The following DGKH variants were observed in gnomAD, a reference collection of about 807,000 sequenced individuals.
DGKH encodes DAG kinase eta.
Under a neutral mutation model 159.3 loss-of-function variants are expected in DGKH, and 90 were observed. The ratio of observed to expected loss-of-function variants is 0.57; its 90% CI spans 0.48 to 0.67. DGKH has a LOEUF of 0.67. Ranked by LOEUF, DGKH falls within the 30% of genes least tolerant of loss-of-function variation. The pLI, the probability that DGKH is intolerant of heterozygous loss-of-function variation, is 0.00. For missense variants in DGKH, 1,181 were observed against 1,506.1 expected, an observed-to-expected ratio of 0.78 and a Z score of 3.57; for synonymous variants, 536 against 553.8, an observed-to-expected ratio of 0.97 and a Z score of 0.45.
At chr13:42,078,398 C>T (rs1026383930) in intron 1 of DGKH, among the ~76,000 whole-genome samples, 2 of 152,136 alleles carry the variant, frequency 1.3e-5, no homozygotes, top group Non-Finnish European at 2.9e-5. Context: ...GACTAGATGC[C>T]GGAATATGGA....
chr13:42,061,305 A>G (rs1316242180), intron 1 of DGKH, among the ~76,000 whole-genome samples: 1 of 152,184 alleles, frequency 6.6e-6, no homozygotes, highest in African/African-American at 2.4e-5. Context: ...AGAAGGGAAG[A>G]TGGAACTGCC....
intron 11 of DGKH, among the ~76,000 whole-genome samples, chr13:42,173,096 C>T (rs1956506018): frequency 6.6e-6 from 1 of 151,898 alleles, no homozygotes; most frequent in Non-Finnish European, 1.5e-5. Flanking sequence ...CTCAGCAATC[C>T]AAGTAGCTGG....
In DGKH at chr13:42,199,897, G is replaced by C. The variant is rs1272939715; in HGVS notation, c.2481G>C (p.Arg827Ser). Residue 827 changes from arginine (R) to serine (S), a missense_variant, in exon 20 of 30, where the codon AGG becomes AGC. Around this residue, in one of 5 missense-constraint regions of DGKH, gnomAD observed 335 missense variants for 495.2 expected, o/e 0.68. Transcript: ENST00000337343. ...GATCGTACAAGAATTTAGAACAAAGGGTTCAACTTGAGGTAAGTTCATCTT... is the reference window on the plus strand; with the variant it reads ...GATCGTACAAGAATTTAGAACAAAGCGTTCAACTTGAGGTAAGTTCATCTT... ...LQRSYKNLEQ[R>S]VQLECDGQYI... 1.2e-6 allele frequency: 2 copies of C among 1,609,518 alleles called. No individual in the cohort carries two copies. The highest frequency in any genetic ancestry group is 1.7e-6 in the Non-Finnish European group (2 of 1,178,314).
chr13:42,137,995 T>G, intron 3 of DGKH: 1 of 706,244 alleles, frequency 1.4e-6, no homozygotes, highest in Non-Finnish European at 1.7e-6. Context: ...CTTTCTAACT[T>G]GAGTCATCTG....
At chr13:42,054,415 T>C (rs1023840596) in intron 1 of DGKH, among the ~76,000 whole-genome samples, 2 of 152,232 alleles carry the variant, frequency 1.3e-5, no homozygotes, top group Admixed American at 6.5e-5. Context: ...TAGGAACTTT[T>C]ACATTTTGAT....
chr13:42,247,718 G>A (rs915561963), downstream of DGKH, among the ~76,000 whole-genome samples: 6 of 152,192 alleles, frequency 3.9e-5, no homozygotes, highest in South Asian at 8.3e-4. Context: ...CAGTGATACT[G>A]ATGATCCTGA....
At chr13:42,169,370 CATT>C (rs1276673354) in intron 11 of DGKH, among the ~76,000 whole-genome samples, 1 of 152,152 alleles carries the variant, frequency 6.6e-6, no homozygotes, top group African/African-American at 2.4e-5. Context: ...AAGGGACTAT[CATT>C]GTGTTTATGC....
chr13:42,199,265 A>AT (rs1434696039), intron 18 of DGKH, among the ~76,000 whole-genome samples: 1 of 152,232 alleles, frequency 6.6e-6, no homozygotes, highest in East Asian at 1.9e-4. Flanking sequence ...AATCACCTGC[A>AT]TTTTTTCTGT....
rs1245809005 is a variant in DGKH at position 42,238,132 on chromosome 13, T to G, written c.*8944T>G. ...ACACAATATTATCAGTTGTTAGTAC[T>G]TGGTAACGTTTCTTTTACTAAAGGA... On this transcript the variant is annotated 3_prime_UTR_variant, in exon 30 of 30. Transcript: ENST00000337343. The G allele has an allele frequency of 6.6e-6, 1 of 152,230 alleles. No individual in the cohort carries two copies. The allele number at this position is 152,230 out of a possible 1,614,324, so 9.4% of individuals were successfully genotyped here.
At chr13:42,144,815 A>G (rs908352468) in intron 3 of DGKH, among the ~76,000 whole-genome samples, 12 of 152,214 alleles carry the variant, frequency 7.9e-5, no homozygotes, top group Admixed American at 7.2e-4. Flanking sequence ...GTTATACCTC[A>G]CAGATTTTGG....
chr13:42,189,004 G>A (rs2122247), intron 14 of DGKH, 32 bp from the exon 15 acceptor site: 197,973 of 1,590,104 alleles, frequency 0.12, 15,697 homozygotes, highest in East Asian at 0.41. Flanking sequence ...TTCTTTTTGA[G>A]TATTTTTCTC....
intron 3 of DGKH, among the ~76,000 whole-genome samples, chr13:42,132,671 G>A (rs1467543780): frequency 6.6e-6 from 1 of 152,172 alleles, no homozygotes; most frequent in African/African-American, 2.4e-5. Flanking sequence ...AGAGGCTGAA[G>A]CAGGAGGATT....
chr13:42,103,384 G>T (rs1202430541), intron 1 of DGKH, among the ~76,000 whole-genome samples: 1 of 152,094 alleles, frequency 6.6e-6, no homozygotes, highest in Non-Finnish European at 1.5e-5. Flanking sequence ...TACATTATAT[G>T]AGGACTCTTG....
intron 29 of DGKH, among the ~76,000 whole-genome samples, chr13:42,222,044 T>A (rs1957987579): frequency 6.6e-6 from 1 of 152,202 alleles, no homozygotes; most frequent in South Asian, 2.1e-4. Context: ...AGAGCCTATT[T>A]GTGAATTGAC....
intron 16 of DGKH, among the ~76,000 whole-genome samples, chr13:42,194,034 A>G (rs1333441055): frequency 6.6e-6 from 1 of 152,214 alleles, no homozygotes; most frequent in African/African-American, 2.4e-5. Flanking sequence ...AGCTTTTACA[A>G]GAATATGATA....
At chr13:42,219,907 G>A in intron 28 of DGKH, 113 bp downstream of exon 28, 6 of 846,460 alleles carry the variant, frequency 7.1e-6, no homozygotes, top group Non-Finnish European at 1.1e-5. Flanking sequence ...TGAGCATTGT[G>A]CAGTATGATG....
intron 1 of DGKH, among the ~76,000 whole-genome samples, chr13:42,075,336 T>A (rs1022728187): frequency 2.0e-4 from 30 of 152,300 alleles, no homozygotes; most frequent in African/African-American, 7.2e-4. Context: ...TTTCTCACTG[T>A]TCTAAAGTGA....
downstream of DGKH, among the ~76,000 whole-genome samples, chr13:42,247,775 T>A (rs9533047): frequency 0.014 from 2,073 of 152,222 alleles, 18 homozygotes; most frequent in Middle Eastern, 0.031. Context: ...AGGTTTTTTT[T>A]AAAAAAGTTT....
chr13:42,043,128 C>A (rs950810850), intron 1 of DGKH, among the ~76,000 whole-genome samples: 1 of 151,926 alleles, frequency 6.6e-6, no homozygotes, highest in African/African-American at 2.4e-5. Flanking sequence ...AGCTATGGAC[C>A]CTTTTTCCCT....
Sources: allele counts gnomAD v4.1 joint callset (sites outside exome capture counted in the v4.1 genomes callset), GRCh38; gene constraint gnomAD v4.1.1; regional missense constraint gnomAD v4.1.1; transcripts MANE v1.5; gene names NCBI Gene and HGNC (gene_info 2026-07-23, HGNC 2026-07-21).